ABTB3: variants seen among roughly 807,000 people sequenced by gnomAD.
The protein encoded by ABTB3 is ankyrin repeat and BTB domain containing 3, also known as ankyrin repeat- and BTB/POZ domain-containing protein 3.
chr12:107,481,903 C>CTCTCTCTCTCTCTCTCTT, the ABTB3 span, among the ~76,000 whole-genome samples: 1 of 150,156 alleles, frequency 6.7e-6, no homozygotes, highest in Admixed American at 6.6e-5. Context: ...CTCTCTCTCT[C>CTCTCTCTCTCTCTCTCTT]TCTCTCTCTC....
At chr12:107,469,852 T>C in the ABTB3 span, among the ~76,000 whole-genome samples, 2 of 136,266 alleles carry the variant, frequency 1.5e-5, no homozygotes, top group Non-Finnish European at 3.1e-5. Flanking sequence ...TCTCTCTTTC[T>C]CTTTCTTTCT....
chr12:107,561,975 G>A, the ABTB3 span, among the ~76,000 whole-genome samples: 2 of 152,224 alleles, frequency 1.3e-5, no homozygotes, highest in Non-Finnish European at 2.9e-5. Context: ...TCTCCCATTA[G>A]ACTTTGTGCA....
chr12:107,468,955 A>G, the ABTB3 span, among the ~76,000 whole-genome samples: 1 of 152,152 alleles, frequency 6.6e-6, no homozygotes, highest in African/African-American at 2.4e-5. Context: ...AAGGGGGCTG[A>G]TCACTGTAGG....
chr12:107,355,458 G>A, the ABTB3 span, among the ~76,000 whole-genome samples: 16 of 152,268 alleles, frequency 1.1e-4, 1 homozygote, highest in South Asian at 4.1e-4. Flanking sequence ...CTCCTTGGAC[G>A]GATAAACAAA....
At chr12:107,541,212 A>G in the ABTB3 span, among the ~76,000 whole-genome samples, 1 of 152,204 alleles carries the variant, frequency 6.6e-6, no homozygotes, top group Non-Finnish European at 1.5e-5. Context: ...TTCGGAGGAG[A>G]AACTCCTGCC....
chr12:107,625,488 T>C, the ABTB3 span, among the ~76,000 whole-genome samples: 3 of 152,178 alleles, frequency 2.0e-5, no homozygotes, highest in Non-Finnish European at 4.4e-5. Context: ...GTCACCTCAT[T>C]ACTGTCAGGT....
chr12:107,622,158 G>T, the ABTB3 span, among the ~76,000 whole-genome samples: 2 of 152,170 alleles, frequency 1.3e-5, no homozygotes, highest in African/African-American at 2.4e-5. Flanking sequence ...TTTACAGGGG[G>T]TTCAATGGCA....
chr12:107,379,800 C>A, the ABTB3 span, among the ~76,000 whole-genome samples: 1 of 152,188 alleles, frequency 6.6e-6, no homozygotes, highest in African/African-American at 2.4e-5. Flanking sequence ...TCTAGAAGAA[C>A]AAGGGTCAGT....
At chr12:107,560,559 A>G in the ABTB3 span, among the ~76,000 whole-genome samples, 1 of 152,318 alleles carries the variant, frequency 6.6e-6, no homozygotes, top group East Asian at 1.9e-4. Flanking sequence ...ATCTCCCTCT[A>G]TTCTCACAGC....
the ABTB3 span, among the ~76,000 whole-genome samples, chr12:107,362,963 T>A: frequency 6.6e-6 from 1 of 152,166 alleles, no homozygotes; most frequent in Non-Finnish European, 1.5e-5. Flanking sequence ...ACCTAGCTAG[T>A]ACGTAGAGGA....
the ABTB3 span, among the ~76,000 whole-genome samples, chr12:107,386,308 G>A: frequency 1.3e-5 from 2 of 152,212 alleles, no homozygotes; most frequent in African/African-American, 4.8e-5. Context: ...GTTGTCAGTT[G>A]ATATTTGCTT....
At chr12:107,451,456 A>G in the ABTB3 span, among the ~76,000 whole-genome samples, 1 of 152,182 alleles carries the variant, frequency 6.6e-6, no homozygotes, top group African/African-American at 2.4e-5. Flanking sequence ...GAGTTAATAA[A>G]TAACTATCTT....
chr12:107,471,420 A>G, the ABTB3 span, among the ~76,000 whole-genome samples: 1 of 152,202 alleles, frequency 6.6e-6, no homozygotes, highest in Non-Finnish European at 1.5e-5. Flanking sequence ...TGGGTACAGA[A>G]GTACAGGCTC....
chr12:107,566,377 C>A, the ABTB3 span, among the ~76,000 whole-genome samples: 1 of 152,104 alleles, frequency 6.6e-6, no homozygotes, highest in Non-Finnish European at 1.5e-5. Flanking sequence ...CAACCTGAGA[C>A]AAATGATGTT....
At chr12:107,608,898 A>AAAATAAAAT in the ABTB3 span, among the ~76,000 whole-genome samples, 35 of 78,596 alleles carry the variant, frequency 4.5e-4, no homozygotes, top group African/African-American at 1.3e-3. Context: ...TAAAATAAAT[A>AAAATAAAAT]AAATAAAATA....
At chr12:107,521,712 C>T in the ABTB3 span, among the ~76,000 whole-genome samples, 44 of 150,468 alleles carry the variant, frequency 2.9e-4, no homozygotes, top group East Asian at 8.2e-3. Flanking sequence ...CCTCCTCCAC[C>T]CCACCTCTGT....
the ABTB3 span, among the ~76,000 whole-genome samples, chr12:107,565,418 A>G: frequency 1.3e-5 from 2 of 152,192 alleles, no homozygotes; most frequent in African/African-American, 4.8e-5. Context: ...TAAATCTTCC[A>G]TATAATTGTA....
chr12:107,506,709 T>C, the ABTB3 span, among the ~76,000 whole-genome samples: 4 of 152,274 alleles, frequency 2.6e-5, no homozygotes, highest in Non-Finnish European at 5.9e-5. Flanking sequence ...GATGTGTGTT[T>C]GTCCTCCCAG....
the ABTB3 span, among the ~76,000 whole-genome samples, chr12:107,508,453 T>TTTTTTTTTTG: frequency 8.1e-6 from 1 of 123,324 alleles, no homozygotes; most frequent in East Asian, 2.6e-4. Context: ...TTTTTTTTTT[T>TTTTTTTTTTG]TTTTTTTTTT....
Sources: allele counts gnomAD v4.1 joint callset (sites outside exome capture counted in the v4.1 genomes callset), GRCh38; gene constraint gnomAD v4.1.1; transcripts MANE v1.5; gene names NCBI Gene and HGNC (gene_info 2026-07-23, HGNC 2026-07-21).